EFCAB6: variants seen among roughly 807,000 people sequenced by gnomAD.
The protein encoded by EFCAB6 is EF-hand calcium binding domain 6.
A neutral mutation model predicts 169.8 loss-of-function variants in EFCAB6; 156 were observed. The ratio of observed to expected loss-of-function variants is 0.92; its 90% CI spans 0.81 to 1.05. EFCAB6 has a LOEUF of 1.05. Ranked by LOEUF, EFCAB6 falls within the 50% of genes least tolerant of loss-of-function variation. EFCAB6 has a pLI of 0.00. For synonymous variants in EFCAB6, 698 were observed against 676.4 expected (o/e 1.03, Z -0.50); for missense variants, 1,800 against 1,829.1 (o/e 0.98, Z 0.29).
chr22:43,803,953 A>G (rs895488080), intron 2 of EFCAB6, among the ~76,000 whole-genome samples: 5 of 152,078 alleles, frequency 3.3e-5, no homozygotes, highest in African/African-American at 1.2e-4. Flanking sequence ...GGCTCAAGTG[A>G]TCTTCCCCTC....
intron 23 of EFCAB6, among the ~76,000 whole-genome samples, chr22:43,591,104 GTTTTTTGTTTTTTTT>G (rs1410247659): frequency 3.8e-5 from 4 of 104,378 alleles, no homozygotes; most frequent in Admixed American, 1.2e-4. Context: ...GTTGTTTTTT[GTTTTTTGTTTTTTTT>G]TTTTGTTTTT....
At chr22:43,726,904 T>C (rs1341431161) in intron 8 of EFCAB6, among the ~76,000 whole-genome samples, 1 of 152,178 alleles carries the variant, frequency 6.6e-6, no homozygotes, top group Non-Finnish European at 1.5e-5. Context: ...CTTCAGAACA[T>C]AACAGAATGC....
Position 43,672,397 on chromosome 22 carries a change from C to T in EFCAB6, c.1420-92G>A, listed in dbSNP as rs2057532542. 3.0e-6 allele frequency: 4 copies of T among 1,355,606 alleles called. No individual in the cohort carries two copies. The East Asian group carries it at 9.8e-5, about 33-fold the overall frequency. 84.0% of individuals were successfully genotyped at this position (1,355,606 alleles called of 1,614,324 possible). A position where few individuals can be genotyped will look rare whatever the true frequency, so the allele number is the denominator to read the frequency against. ...AGGTGGACCTGGACTGGAATCCTAG[C>T]TCTGTCCCTAATTAGCCATTAGCTT... On this transcript the variant is annotated intron_variant, in intron 13 of 31. Coordinates refer to ENST00000262726, the MANE Select transcript of EFCAB6 (RefSeq NM_022785.4).
intron 6 of EFCAB6, among the ~76,000 whole-genome samples, chr22:43,739,593 C>T (rs2060292610): frequency 6.6e-6 from 1 of 152,144 alleles, no homozygotes; most frequent in Non-Finnish European, 1.5e-5. Context: ...TGATGTCCCC[C>T]TTGAGACTCT....
At chr22:43,567,661 AATGGTGT>A (rs1569170244) in intron 26 of EFCAB6, among the ~76,000 whole-genome samples, 1 of 152,088 alleles carries the variant, frequency 6.6e-6, no homozygotes. Context: ...TAGCATTTCT[AATGGTGT>A]GACTGGGAAA....
intron 3 of EFCAB6, among the ~76,000 whole-genome samples, chr22:43,779,734 C>T (rs545187497): frequency 4.3e-4 from 65 of 151,792 alleles, no homozygotes; most frequent in Middle Eastern, 6.8e-3. Flanking sequence ...GGCGAGACTC[C>T]GCCTCAATAA....
chr22:43,609,744 G>A (rs527720429), intron 21 of EFCAB6, among the ~76,000 whole-genome samples: 2 of 152,318 alleles, frequency 1.3e-5, no homozygotes, highest in East Asian at 1.9e-4. Flanking sequence ...ACTCGACAAA[G>A]CGATTCAAAA....
At chr22:43,661,426 G>A (rs1025918703) in intron 17 of EFCAB6, among the ~76,000 whole-genome samples, 1 of 152,130 alleles carries the variant, frequency 6.6e-6, no homozygotes, top group African/African-American at 2.4e-5. Context: ...CCATTTCTTT[G>A]GTGGAGAATT....
intron 17 of EFCAB6, among the ~76,000 whole-genome samples, chr22:43,635,711 C>T (rs2055340915): frequency 6.6e-6 from 1 of 152,148 alleles, no homozygotes; most frequent in African/African-American, 2.4e-5. Flanking sequence ...TCCATGAATG[C>T]TCTTTTTTCT....
intron 22 of EFCAB6, among the ~76,000 whole-genome samples, chr22:43,601,010 T>TGGA (rs2052478691): frequency 6.6e-6 from 1 of 152,228 alleles, no homozygotes; most frequent in East Asian, 1.9e-4. Context: ...AAAGGAATTA[T>TGGA]GCTAAGGTTT....
chr22:43,666,952 G>T lies in EFCAB6; in HGVS notation c.1983+152C>A, dbSNP rs144446926. The T allele has an allele frequency of 1.5e-5, 13 of 864,228 alleles. No individual in the cohort carries two copies. The Admixed American group carries it at 3.0e-4, about 20-fold the overall frequency. 53.5% of individuals were successfully genotyped at this position (864,228 alleles called of 1,614,324 possible). A position where few individuals can be genotyped will look rare whatever the true frequency, so the allele number is the denominator to read the frequency against. ...GAAATGTGCCAATGACAATTTTTTG[G>T]CCAAAAAAAAAAATCCTTTTAAATT... On this transcript the variant is annotated intron_variant, in intron 17 of 31. Transcript: ENST00000262726.
chr22:43,739,824 C>T (rs962593166), intron 6 of EFCAB6, among the ~76,000 whole-genome samples: 1 of 151,958 alleles, frequency 6.6e-6, no homozygotes, highest in Admixed American at 6.5e-5. Context: ...TGCAAGCCTC[C>T]CGCTTGGTCC....
intron 2 of EFCAB6, among the ~76,000 whole-genome samples, chr22:43,791,909 T>C (rs559361019): frequency 1.3e-5 from 2 of 152,132 alleles, no homozygotes; most frequent in African/African-American, 4.8e-5. Context: ...GGCAACCTAG[T>C]AGCAGGGCAA....
At chr22:43,668,706 G>C (rs932105153) in intron 16 of EFCAB6, among the ~76,000 whole-genome samples, 166 bp downstream of exon 16, 1 of 152,118 alleles carries the variant, frequency 6.6e-6, no homozygotes, top group African/African-American at 2.4e-5. Flanking sequence ...TAAGATCTCT[G>C]CTTGCTCTAA....
chr22:43,672,238 T>C lies in EFCAB6; in HGVS notation c.1479+8A>G. ...GGCATCCACACAAAGAAGGCAAGTG[T>C]TACTTACTGAATCCCAGGCCAGGAG... On this transcript the variant is annotated splice_region_variant and intron_variant, in intron 14 of 31. Coordinates refer to ENST00000262726, the MANE Select transcript of EFCAB6 (RefSeq NM_022785.4). The C allele has an allele frequency of 6.2e-7, 1 of 1,614,162 alleles. No homozygotes were observed. The highest frequency in any genetic ancestry group is 8.5e-7 in the Non-Finnish European group (1 of 1,180,002).
chr22:43,755,689 A>G, intron 6 of EFCAB6, 77 bp downstream of exon 6: 1 of 1,326,164 alleles, frequency 7.5e-7, no homozygotes, highest in African/African-American at 1.5e-5. Context: ...CTCATTTTCT[A>G]TCATCTACCT....
intron 6 of EFCAB6, among the ~76,000 whole-genome samples, chr22:43,749,203 T>C (rs1281139748): frequency 2.6e-5 from 4 of 151,984 alleles, no homozygotes. Flanking sequence ...CTTGAATGAA[T>C]GATGAGTGGT....
chr22:43,587,378 G>T (rs2051148074), intron 24 of EFCAB6, among the ~76,000 whole-genome samples: 2 of 152,308 alleles, frequency 1.3e-5, no homozygotes, highest in South Asian at 4.1e-4. Context: ...ATACCTGGTG[G>T]CTTAAAGCAA....
intron 8 of EFCAB6, among the ~76,000 whole-genome samples, chr22:43,721,737 A>G (rs2059534519): frequency 6.6e-6 from 1 of 152,186 alleles, no homozygotes; most frequent in Non-Finnish European, 1.5e-5. Flanking sequence ...ATATATAAAA[A>G]TTAACTCAAG....
Sources: allele counts gnomAD v4.1 joint callset (sites outside exome capture counted in the v4.1 genomes callset), GRCh38; gene constraint gnomAD v4.1.1; transcripts MANE v1.5; gene names NCBI Gene and HGNC (gene_info 2026-07-23, HGNC 2026-07-21).